TXNDC8: variants seen among roughly 807,000 people sequenced by gnomAD.
The protein encoded by TXNDC8 is thioredoxin domain containing 8, also known as thioredoxin domain-containing protein 8.
In TXNDC8, 15 loss-of-function variants were observed where a neutral mutation model predicts 12.9. That is an observed-to-expected ratio of 1.16 (90% confidence interval 0.78 to 1.79). The LOEUF is 1.79. TXNDC8 is among the 40% of genes most tolerant of loss of function. The pLI, the probability that TXNDC8 is intolerant of heterozygous loss-of-function variation, is 0.00. For missense variants in TXNDC8, 128 were observed against 113.2 expected (o/e 1.13, Z -0.59); for synonymous variants, 40 against 35.4 (o/e 1.13, Z -0.46).
intron 3 of TXNDC8, among the ~76,000 whole-genome samples, chr9:110,310,953 T>A (rs1394212979): frequency 6.6e-6 from 1 of 152,248 alleles, no homozygotes; most frequent in East Asian, 1.9e-4. Flanking sequence ...ATTTAGTAAC[T>A]TCTAATCTTT....
At chr9:110,319,900 C>G (rs965684745) in intron 3 of TXNDC8, among the ~76,000 whole-genome samples, 4 of 152,154 alleles carry the variant, frequency 2.6e-5, no homozygotes, top group African/African-American at 4.8e-5. Context: ...TCAGCAAGAG[C>G]CCTACAGTTC....
At chr9:110,331,680 G>A (rs1266799793) in intron 2 of TXNDC8, among the ~76,000 whole-genome samples, 1 of 152,202 alleles carries the variant, frequency 6.6e-6, no homozygotes, top group African/African-American at 2.4e-5. Flanking sequence ...GGATGAAACT[G>A]TTCCACCTCA....
chr9:110,329,509 G>C (rs1021744252), intron 2 of TXNDC8, among the ~76,000 whole-genome samples: 1 of 152,198 alleles, frequency 6.6e-6, no homozygotes, highest in African/African-American at 2.4e-5. Context: ...GGCAGAAGCA[G>C]AGTCAAAGAA....
At chr9:110,303,074 T>A (rs527779853), downstream of TXNDC8, among the ~76,000 whole-genome samples, 4 of 148,494 alleles carry the variant, frequency 2.7e-5, no homozygotes, top group Admixed American at 2.7e-4. Context: ...AAAAAAAAAA[T>A]GATGCATTGG....
At chr9:110,305,616 C>CT (rs1587947473) in intron 3 of TXNDC8, among the ~76,000 whole-genome samples, 1 of 96,688 alleles carries the variant, frequency 1.0e-5, no homozygotes. Flanking sequence ...CTTTCTTTTT[C>CT]TTCCTTCCTT....
At chr9:110,329,273 G>A (rs1237229417) in intron 2 of TXNDC8, 5 of 1,610,068 alleles carry the variant, frequency 3.1e-6, no homozygotes, top group Non-Finnish European at 4.2e-6. Flanking sequence ...AATACATTTT[G>A]GTATTTCACA....
At chr9:110,318,736 T>TA (rs74834217) in intron 3 of TXNDC8, among the ~76,000 whole-genome samples, 73 of 141,576 alleles carry the variant, frequency 5.2e-4, no homozygotes, top group East Asian at 2.8e-3. Context: ...AGACTCCGTC[T>TA]AAAAAAAAAA....
At chr9:110,334,602 C>T (rs1564110226) in intron 1 of TXNDC8, among the ~76,000 whole-genome samples, 1 of 152,122 alleles carries the variant, frequency 6.6e-6, no homozygotes, top group Non-Finnish European at 1.5e-5. Context: ...TAGCTGACCC[C>T]ACCTTAAATG....
chr9:110,326,102 A>G lies in TXNDC8; in HGVS notation c.195+73T>C, dbSNP rs531292601. 14 of 1,481,610 alleles carry G rather than the reference A, an allele frequency of 9.4e-6. No individual in the cohort carries two copies. In the South Asian group the frequency reaches 1.6e-4, roughly 17 times the overall value. The allele number at this position is 1,481,610 out of a possible 1,614,324, so 91.8% of individuals were successfully genotyped here. A position where few individuals can be genotyped will look rare whatever the true frequency, so the allele number is the denominator to read the frequency against. The stretch of plus-strand genomic sequence containing the variant: ...TGTAGTTATTTCATCCACCCAGGAC[A>G]GCCAGGCTTTTTTGAGGGACTCTGA... On this transcript the variant is annotated intron_variant, in intron 3 of 4. Coordinates refer to ENST00000423740, the MANE Select transcript of TXNDC8 (RefSeq NM_001286946.2).
intron 3 of TXNDC8, among the ~76,000 whole-genome samples, chr9:110,308,905 A>G (rs73655327): frequency 0.082 from 12,500 of 152,232 alleles, 616 homozygotes; most frequent in African/African-American, 0.14. Context: ...GTATTGCATG[A>G]CCTGACCTCT....
chr9:110,326,004 A>T (rs1839302752), intron 3 of TXNDC8, among the ~76,000 whole-genome samples, 171 bp downstream of exon 4: 1 of 152,204 alleles, frequency 6.6e-6, no homozygotes, highest in South Asian at 2.1e-4. Flanking sequence ...GTAAAGTTGT[A>T]TGTAAAGTTG....
intron 3 of TXNDC8, among the ~76,000 whole-genome samples, chr9:110,315,870 G>A (rs1838870391): frequency 6.6e-6 from 1 of 151,266 alleles, no homozygotes; most frequent in African/African-American, 2.4e-5. Flanking sequence ...GGGGGCGCAG[G>A]CTGTAGAAAT....
downstream of TXNDC8, among the ~76,000 whole-genome samples, chr9:110,303,053 G>A (rs61680216): frequency 0.013 from 1,925 of 149,744 alleles, 42 homozygotes; most frequent in African/African-American, 0.044. Flanking sequence ...AACAGAGCAA[G>A]ACTGTCTCAA....
At chr9:110,305,768 CTTTT>C (rs1838435698) in intron 3 of TXNDC8, among the ~76,000 whole-genome samples, 2 of 78,052 alleles carry the variant, frequency 2.6e-5, no homozygotes, top group East Asian at 1.0e-3. Context: ...CCTTCCCTTT[CTTTT>C]CTTTTCTTTT....
At chr9:110,324,118 T>C (rs544679975) in intron 3 of TXNDC8, 38 of 1,328,244 alleles carry the variant, frequency 2.9e-5, no homozygotes, top group Non-Finnish European at 3.6e-5. Context: ...AACTCCAAGT[T>C]TTAAAGAGAG....
Position 110,323,300 on chromosome 9 carries a change from C to G in TXNDC8, c.195+2875G>C, listed in dbSNP as rs191033126. The stretch of plus-strand genomic sequence containing the variant: ...AGATATCCAAAACGGATATATTTGA[C>G]TATAACAGGAGACAAGCCAGAGGAG... On this transcript the variant is annotated intron_variant, in intron 3 of 4. Transcript: ENST00000423740. The G allele has an allele frequency of 1.9e-4, 183 of 985,386 alleles. No homozygotes were observed. In the Middle Eastern group the frequency reaches 5.2e-3, roughly 28 times the overall value. The allele number at this position is 985,386 out of a possible 1,614,324, so 61.0% of individuals were successfully genotyped here.
chr9:110,306,795 G>C (rs1838485561), intron 3 of TXNDC8, among the ~76,000 whole-genome samples: 1 of 152,064 alleles, frequency 6.6e-6, no homozygotes, highest in African/African-American at 2.4e-5. Context: ...CCTCAAGATG[G>C]TTTGAGTAAC....
chr9:110,330,167 A>T (rs1047512332), intron 2 of TXNDC8, among the ~76,000 whole-genome samples: 1 of 152,194 alleles, frequency 6.6e-6, no homozygotes, highest in African/African-American at 2.4e-5. Flanking sequence ...ATCATATCTC[A>T]TGTATTTCTA....
intron 3 of TXNDC8, among the ~76,000 whole-genome samples, chr9:110,313,905 A>G (rs1351039499): frequency 3.3e-5 from 5 of 152,224 alleles, no homozygotes; most frequent in African/African-American, 1.2e-4. Flanking sequence ...CACCCTAGCC[A>G]TGAGAGATCA....
Sources: gnomAD v4.1 joint callset for allele counts (sites outside exome capture counted in the v4.1 genomes callset) on GRCh38, gnomAD v4.1.1 for gene constraint, MANE v1.5 for transcripts, NCBI Gene and HGNC (gene_info 2026-07-23, HGNC 2026-07-21) for gene names.